Variants in PRKAR1B observed in about 807,000 individuals in gnomAD.
PRKAR1B encodes cAMP-dependent protein kinase type I-beta regulatory subunit.
PRKAR1B carries 22 observed loss-of-function variants against 46.5 expected under a neutral mutation model. That is an observed-to-expected ratio of 0.47 (90% CI 0.34 to 0.68). The LOEUF (loss-of-function observed/expected upper bound fraction) is 0.68, where lower values mean the gene tolerates loss of function less well. Among genes scored for constraint, PRKAR1B ranks in the 30% least tolerant of loss-of-function variants. The pLI is 0.01. For synonymous variants in PRKAR1B, 259 were observed against 217.7 expected, an observed-to-expected ratio of 1.19 and a Z score of -1.67; for missense variants, 445 against 535.6, an observed-to-expected ratio of 0.83 and a Z score of 1.67.
At chr7:595,022 C>T (rs1373242243) in intron 7 of PRKAR1B, among the ~76,000 whole-genome samples, 1 of 152,226 alleles carries the variant, frequency 6.6e-6, no homozygotes, top group Admixed American at 6.5e-5. Flanking sequence ...ACTGGGTCCA[C>T]ATCTGGTCAC....
At chr7:705,883 G>C (rs755501281) in intron 2 of PRKAR1B, among the ~76,000 whole-genome samples, 5 of 152,090 alleles carry the variant, frequency 3.3e-5, no homozygotes, top group Non-Finnish European at 5.9e-5. Context: ...AAAATTAGCC[G>C]GGCGTGGTGG....
chr7:632,607 A>G (rs1465347399), intron 4 of PRKAR1B, among the ~76,000 whole-genome samples: 1 of 152,246 alleles, frequency 6.6e-6, no homozygotes, highest in African/African-American at 2.4e-5. Flanking sequence ...AGATGGATCC[A>G]GGCCTTCAGG....
At chr7:669,867 A>ATTTTTTTTTTTTTTTTTT (rs570284003) in intron 4 of PRKAR1B, among the ~76,000 whole-genome samples, 1 of 131,438 alleles carries the variant, frequency 7.6e-6, no homozygotes, top group Non-Finnish European at 1.6e-5. Flanking sequence ...CACGTGCCAT[A>ATTTTTTTTTTTTTTTTTT]TTTTTTTTTT....
chr7:637,084 G>A (rs1435711962), intron 4 of PRKAR1B, among the ~76,000 whole-genome samples: 2 of 152,154 alleles, frequency 1.3e-5, no homozygotes, highest in African/African-American at 4.8e-5. Context: ...TCAGGACTTT[G>A]AGACCAGCCT....
chr7:685,288 A>ACGTATATATACG (rs1562615511), intron 2 of PRKAR1B, among the ~76,000 whole-genome samples: 1 of 10,466 alleles, frequency 9.6e-5, no homozygotes. Context: ...ACGTATATAT[A>ACGTATATATACG]TGTATACATA....
chr7:669,084 T>A (rs1037212875), intron 4 of PRKAR1B, among the ~76,000 whole-genome samples: 1 of 152,138 alleles, frequency 6.6e-6, no homozygotes, highest in Non-Finnish European at 1.5e-5. Flanking sequence ...CAAGTGTCCA[T>A]CAGCAGACAA....
At chr7:595,201 C>G (rs10252259) in intron 7 of PRKAR1B, among the ~76,000 whole-genome samples, 6,088 of 152,304 alleles carry the variant, frequency 0.04, 387 homozygotes, top group African/African-American at 0.14. Context: ...CTGGCCCAGC[C>G]CTGTGCTGCT....
chr7:563,141 G>A (rs183775248), intron 9 of PRKAR1B, among the ~76,000 whole-genome samples: 49 of 152,232 alleles, frequency 3.2e-4, no homozygotes, highest in African/African-American at 1.1e-3. Context: ...CATGCCCCCA[G>A]CCCTCCAGGC....
intron 4 of PRKAR1B, among the ~76,000 whole-genome samples, chr7:637,562 G>C (rs147124426): frequency 1.3e-5 from 2 of 152,258 alleles, no homozygotes; most frequent in East Asian, 3.9e-4. Flanking sequence ...GGCCGGGTGC[G>C]GTGGCTCACG....
intron 4 of PRKAR1B, among the ~76,000 whole-genome samples, chr7:668,689 G>C (rs1172286791): frequency 6.6e-6 from 1 of 152,222 alleles, no homozygotes; most frequent in Non-Finnish European, 1.5e-5. Context: ...CAAGGGCACA[G>C]GACCCAGCAC....
At chr7:693,537 C>T (rs1338372142) in intron 2 of PRKAR1B, among the ~76,000 whole-genome samples, 5 of 152,142 alleles carry the variant, frequency 3.3e-5, no homozygotes, top group African/African-American at 9.7e-5. Context: ...ATTTCACTGG[C>T]ATTACGTGTC....
intron 1 of PRKAR1B, 68 bp downstream of exon 1, chr7:727,142 T>G: frequency 8.1e-7 from 1 of 1,240,562 alleles, no homozygotes; most frequent in Admixed American, 3.9e-5. Context: ...TGTGAGGAGC[T>G]GCGCCTGGCG....
At position 550,531 on chromosome 7, in the gene PRKAR1B, T is replaced by G; in HGVS notation, c.1045A>C (p.Lys349Gln). ...CGCTCGAAGCGGGGCCGGTCCAGCT[T>G]CACACACTTGAGGGGCCCCCGGGCC... Reference protein sequence around the residue: ...VVARGPLKCVKLDRPRFERVL... With the variant: ...VVARGPLKCVQLDRPRFERVL... Residue 349 changes from lysine to glutamine, a missense_variant, in exon 11 of 11, where the codon AAG (lysine) becomes CAG (glutamine). Lys to Gln is a moderately conservative substitution (Grantham distance 53). Transcript: ENST00000537384. 1 of 1,605,686 alleles carries G rather than the reference T, an allele frequency of 6.2e-7. No individual in the cohort carries two copies. The highest frequency in any genetic ancestry group is 2.2e-5 in the East Asian group (1 of 44,650).
intron 2 of PRKAR1B, among the ~76,000 whole-genome samples, chr7:706,422 A>ATGTTTTTTTTTTTT (rs1780326036): frequency 9.8e-6 from 1 of 102,298 alleles, no homozygotes; most frequent in Non-Finnish European, 1.9e-5. Flanking sequence ...CAAATAAGGA[A>ATGTTTTTTTTTTTT]TTTTTTTTTT....
At position 617,451 on chromosome 7, in the gene PRKAR1B, C is replaced by G. The variant is rs147691975; in HGVS notation, c.441-9999G>C. The stretch of plus-strand genomic sequence containing the variant: ...TCCCAAGCAGATGGGACCACCAGCC[C>G]GAACCACCACCCCCAACTAACGAAG... On this transcript the variant is annotated intron_variant, in intron 4 of 10. Coordinates refer to ENST00000537384, the MANE Select transcript of PRKAR1B (RefSeq NM_001164760.2). Among the ~76,000 whole-genome samples, 955 of 152,124 alleles carry G rather than the reference C, an allele frequency of 6.3e-3. 11 individuals carry two copies. Among genetic ancestry groups the G allele is most frequent in the African/African-American group, 0.022 (900 of 41,486 alleles).
intron 4 of PRKAR1B, among the ~76,000 whole-genome samples, chr7:618,375 T>C (rs763080864): frequency 4.6e-5 from 7 of 152,242 alleles, no homozygotes; most frequent in Non-Finnish European, 1.0e-4. Flanking sequence ...GTTTTGCCTA[T>C]ACATTTATTC....
At chr7:641,499 G>A (rs1473167522) in intron 4 of PRKAR1B, among the ~76,000 whole-genome samples, 1 of 152,136 alleles carries the variant, frequency 6.6e-6, no homozygotes, top group Non-Finnish European at 1.5e-5. Context: ...CAACCCAAAT[G>A]GTGCCGTATT....
chr7:707,624 G>C (rs895197335), intron 2 of PRKAR1B, among the ~76,000 whole-genome samples: 2 of 152,152 alleles, frequency 1.3e-5, no homozygotes, highest in African/African-American at 2.4e-5. Flanking sequence ...ACGGAGGTGA[G>C]GAAGTTACAA....
At chr7:559,675 G>A (rs779812612) in intron 9 of PRKAR1B, among the ~76,000 whole-genome samples, 17 of 152,190 alleles carry the variant, frequency 1.1e-4, no homozygotes, top group African/African-American at 2.7e-4. Context: ...GCAGTGAGCC[G>A]GAGTCTCGAG....
Sources: allele counts gnomAD v4.1 joint callset (sites outside exome capture counted in the v4.1 genomes callset), GRCh38; gene constraint gnomAD v4.1.1; transcripts MANE v1.5; gene names NCBI Gene and HGNC (gene_info 2026-07-23, HGNC 2026-07-21).